The following STX11 variants were observed in gnomAD, a reference collection of about 807,000 sequenced individuals.
STX11 encodes syntaxin-11.
In STX11, 21 loss-of-function variants were observed where a neutral mutation model predicts 19.9. The observed-to-expected ratio is 1.06, with a 90% CI of 0.75 to 1.52. STX11 has a LOEUF of 1.52. STX11 is among the 40% of genes most tolerant of loss of function. STX11 has a pLI of 0.00. For missense variants in STX11, 438 were observed against 405.9 expected (o/e 1.08, Z -0.68); for synonymous variants, 193 against 174.4 (o/e 1.11, Z -0.84).
rs984613653 is a variant in STX11 at position 144,187,365 on chromosome 6, G to A, written c.738G>A (p.Glu246=). Reference sequence around the variant, plus strand: ...AGGCCGACACCCTGAACGTCATCGAGCTCAACGTACAAAAGACGGTCGACT... The same window carrying A: ...AGGCCGACACCCTGAACGTCATCGAACTCAACGTACAAAAGACGGTCGACT... ...EKQADTLNVI[E]LNVQKTVDYT... Residue 246 remains glutamate (E), a synonymous_variant, in exon 2 of 2, where the codon GAG becomes GAA. Transcript: ENST00000367568. The surrounding 1 kb of genome is among the most constrained non-coding windows in gnomAD (Gnocchi z 5.6). The A allele has an allele frequency of 1.1e-5, 17 of 1,610,260 alleles. No individual in the cohort carries two copies. Among genetic ancestry groups the A allele is most frequent in the Admixed American group, 8.3e-5 (5 of 60,000 alleles).
chr6:144,181,628 T>A (rs896604172), intron 1 of STX11, among the ~76,000 whole-genome samples: 33 of 139,930 alleles, frequency 2.4e-4, no homozygotes, highest in Non-Finnish European at 4.4e-4. Context: ...GCTGACATGG[T>A]AGGTATCTAT....
rs1801524661 is a variant in STX11, at chr6:144,167,868, G to A, written c.-6+17165G>A. On this transcript the variant is annotated intron_variant, in intron 1 of 1. Coordinates refer to ENST00000367568, the MANE Select transcript of STX11 (RefSeq NM_003764.4). The surrounding 1 kb of genome is among the most constrained non-coding windows in gnomAD (Gnocchi z 5.0). Reference sequence around the variant, plus strand: ...ACTCCTTGACTCAAACAGCCTGCCTGCCTAAGCCTCCCAAAGTGCTAGGAT... The same window carrying A: ...ACTCCTTGACTCAAACAGCCTGCCTACCTAAGCCTCCCAAAGTGCTAGGAT... 6.6e-6 allele frequency among the ~76,000 whole-genome samples: 1 copy of A among 152,088 alleles called. No homozygotes were observed. Among genetic ancestry groups the A allele is most frequent in the African/African-American group, 2.4e-5 (1 of 41,404 alleles).
chr6:144,148,414 A>T (rs987952562), upstream of STX11, among the ~76,000 whole-genome samples: 5 of 152,202 alleles, frequency 3.3e-5, no homozygotes, highest in Admixed American at 3.3e-4. Flanking sequence ...ACCCATTTTT[A>T]AAAATATAAC....
At position 144,174,020 on chromosome 6, in the gene STX11, A is replaced by C. The variant is rs933201565; in HGVS notation, c.-5-12603A>C. Among the ~76,000 whole-genome samples the C allele has an allele frequency of 6.6e-6, 1 of 152,086 alleles. No individual in the cohort carries two copies. Among genetic ancestry groups the C allele is most frequent in the African/African-American group, 2.4e-5 (1 of 41,406 alleles). On this transcript the variant is annotated intron_variant, in intron 1 of 1. Transcript: ENST00000367568. This position sits in a 1 kb window ranked among gnomAD's most constrained non-coding sequence, Gnocchi z 5.3. ...ACACAACGATTTATTATTTCTCACT[A>C]TCCTGTTGATTGGCTGAGCAGTCTT...
chr6:144,178,727 G>T (rs192198855), intron 1 of STX11, among the ~76,000 whole-genome samples: 1 of 152,154 alleles, frequency 6.6e-6, no homozygotes, highest in East Asian at 1.9e-4. Context: ...GACTTTTATC[G>T]TTATAAACCA....
At position 144,172,195 on chromosome 6, in the gene STX11, C is replaced by T. The variant is rs531548819; in HGVS notation, c.-5-14428C>T. On this transcript the variant is annotated intron_variant, in intron 1 of 1. Transcript: ENST00000367568. This position sits in a 1 kb window ranked among gnomAD's most constrained non-coding sequence, Gnocchi z 4.2. ...CCCCAAATAACAATTTTCTATTTCT[C>T]ATGGGTGCAAGGATTAAATGAGATA... Among the ~76,000 whole-genome samples, 7 of 152,278 alleles carry T rather than the reference C, an allele frequency of 4.6e-5. No individual in the cohort carries two copies. The South Asian group carries it at 1.0e-3, about 23-fold the overall frequency.
chr6:144,149,387 G>T (rs1450126844), upstream of STX11, among the ~76,000 whole-genome samples: 1 of 152,058 alleles, frequency 6.6e-6, no homozygotes, highest in East Asian at 1.9e-4. This position sits in a 1 kb window ranked among gnomAD's most constrained non-coding sequence, Gnocchi z 5.1. Context: ...TGCTCAAATG[G>T]TTCCATCTTT....
chr6:144,143,749 G>A, the STX11 span, among the ~76,000 whole-genome samples: 1 of 152,008 alleles, frequency 6.6e-6, no homozygotes, highest in African/African-American at 2.4e-5. Context: ...GGATTGGAGG[G>A]GCAAAAGGAG....
In STX11 at chr6:144,184,682, T is replaced by A. The variant is rs947903308; in HGVS notation, c.-5-1941T>A. Among the ~76,000 whole-genome samples the A allele has an allele frequency of 6.6e-6, 1 of 152,138 alleles. No homozygotes were observed. The highest frequency in any genetic ancestry group is 2.4e-5 in the African/African-American group (1 of 41,416). ...TTGATCTCCCTATGCTCACACCAAC[T>A]CTGATAATGGCAGTACCTACTCATA... is the stretch of plus-strand genomic sequence containing the variant. On this transcript the variant is annotated intron_variant, in intron 1 of 1. Transcript: ENST00000367568. This position sits in a 1 kb window ranked among gnomAD's most constrained non-coding sequence, Gnocchi z 6.5.
rs1228208583 is a variant in STX11, at chr6:144,182,104, T to C, written c.-5-4519T>C. Reference sequence around the variant, plus strand: ...GAAGGTCAGTGGAATTGTCTGATTTTTCTTTCTCATTTACCATAGTTCTCT... The same window carrying C: ...GAAGGTCAGTGGAATTGTCTGATTTCTCTTTCTCATTTACCATAGTTCTCT... On this transcript the variant is annotated intron_variant, in intron 1 of 1. Transcript: ENST00000367568. The surrounding 1 kb of genome is among the most constrained non-coding windows in gnomAD (Gnocchi z 4.8). Among the ~76,000 whole-genome samples the C allele has an allele frequency of 6.6e-6, 1 of 152,232 alleles. No homozygotes were observed. Among genetic ancestry groups the C allele is most frequent in the East Asian group, 1.9e-4 (1 of 5,208 alleles).
chr6:144,156,002 CTT>C lies in STX11; in HGVS notation c.-6+5301_-6+5302del, dbSNP rs1467608505. On this transcript the variant is annotated intron_variant, in intron 1 of 1. Transcript: ENST00000367568. ...TCTTTCTTTCTTTCTTTCTTTCTTT[CTT>C]TCTTTCTTTCTCTCTTTCTCTCCTT... 7.4e-4 allele frequency among the ~76,000 whole-genome samples: 94 copies of C among 127,416 alleles called. 1 individual carries two copies. The highest frequency in any genetic ancestry group is 2.5e-3 in the African/African-American group (61 of 24,582). 83.6% of individuals were successfully genotyped at this position (127,416 alleles called of 152,430 possible). A position where few individuals can be genotyped will look rare whatever the true frequency, so the allele number is the denominator to read the frequency against.
rs1801889962 is a variant in STX11, at chr6:144,180,680, C to T, written c.-5-5943C>T. Among the ~76,000 whole-genome samples the T allele has an allele frequency of 6.6e-6, 1 of 152,192 alleles. No individual in the cohort carries two copies. The highest frequency in any genetic ancestry group is 6.5e-5 in the Admixed American group (1 of 15,278). On this transcript the variant is annotated intron_variant, in intron 1 of 1. Coordinates refer to ENST00000367568, the MANE Select transcript of STX11 (RefSeq NM_003764.4). The surrounding 1 kb of genome is among the most constrained non-coding windows in gnomAD (Gnocchi z 5.3). ...CTTTTCTTCCCAGTCTTGGGTATGT[C>T]TTTATCAGCAGTGTGAAAATGGACT...
intron 1 of STX11, among the ~76,000 whole-genome samples, chr6:144,161,947 G>T (rs1801352993): frequency 6.6e-6 from 1 of 151,428 alleles, no homozygotes; most frequent in South Asian, 2.1e-4. Flanking sequence ...CTATTTTTCT[G>T]CCTGTAAGAT....
Position 144,159,849 on chromosome 6 carries a change from C to T in STX11, c.-6+9146C>T, listed in dbSNP as rs1801288322. The stretch of plus-strand genomic sequence containing the variant: ...GAGACAGTGGGTGAAGTGCATTGCC[C>T]CAGAAGTCCATGCCCACTGAGGTTT... On this transcript the variant is annotated intron_variant, in intron 1 of 1. Coordinates refer to ENST00000367568, the MANE Select transcript of STX11 (RefSeq NM_003764.4). The surrounding 1 kb of genome is among the most constrained non-coding windows in gnomAD (Gnocchi z 4.3). Among the ~76,000 whole-genome samples the T allele has an allele frequency of 6.6e-6, 1 of 151,998 alleles. No homozygotes were observed. Among genetic ancestry groups the T allele is most frequent in the Non-Finnish European group, 1.5e-5 (1 of 67,990 alleles).
chr6:144,186,256 G>T (rs928980108), intron 1 of STX11, among the ~76,000 whole-genome samples: 15 of 150,000 alleles, frequency 1.0e-4, no homozygotes, highest in Non-Finnish European at 1.9e-4. Flanking sequence ...ACATGGCACA[G>T]GTATACATAT....
intron 1 of STX11, among the ~76,000 whole-genome samples, chr6:144,185,404 T>C (rs1442890509): frequency 6.6e-6 from 1 of 152,240 alleles, no homozygotes; most frequent in East Asian, 1.9e-4. Context: ...AAAGAATCTT[T>C]CTCATCATGA....
At position 144,174,465 on chromosome 6, in the gene STX11, G is replaced by T. The variant is rs1391756109; in HGVS notation, c.-5-12158G>T. On this transcript the variant is annotated intron_variant, in intron 1 of 1. Coordinates refer to ENST00000367568, the MANE Select transcript of STX11 (RefSeq NM_003764.4). The surrounding 1 kb of genome is among the most constrained non-coding windows in gnomAD (Gnocchi z 5.3). ...GCTTACTGCAACCTCTGCATCCCAG[G>T]TTCAAGCGATCTTCCAGCCTTAGCC... 6.6e-6 allele frequency among the ~76,000 whole-genome samples: 1 copy of T among 152,112 alleles called. No individual in the cohort carries two copies. The highest frequency in any genetic ancestry group is 1.5e-5 in the Non-Finnish European group (1 of 68,022).
Position 144,174,345 on chromosome 6 carries a change from G to T in STX11, c.-5-12278G>T, listed in dbSNP as rs975472760. ...ACCTCTTGATCAGAGAAGCTGCAAA[G>T]AATTTGTAGTAAGAAGATTTTTATT... On this transcript the variant is annotated intron_variant, in intron 1 of 1. Coordinates refer to ENST00000367568, the MANE Select transcript of STX11 (RefSeq NM_003764.4). The surrounding 1 kb of genome is among the most constrained non-coding windows in gnomAD (Gnocchi z 5.3). 3.3e-5 allele frequency among the ~76,000 whole-genome samples: 5 copies of T among 152,152 alleles called. No homozygotes were observed. Among genetic ancestry groups the T allele is most frequent in the African/African-American group, 1.2e-4 (5 of 41,454 alleles).
intron 1 of STX11, among the ~76,000 whole-genome samples, chr6:144,181,406 C>T (rs1328645906): frequency 6.6e-6 from 1 of 151,770 alleles, no homozygotes; most frequent in African/African-American, 2.4e-5. Flanking sequence ...ACCAGCTTGG[C>T]CAACATGGTG....
Sources: gnomAD v4.1 joint callset for allele counts (sites outside exome capture counted in the v4.1 genomes callset) on GRCh38, gnomAD v4.1.1 for gene constraint, Gnocchi (gnomAD v3.1) non-coding constraint, MANE v1.5 for transcripts, NCBI Gene and HGNC (gene_info 2026-07-23, HGNC 2026-07-21) for gene names.